CTTN: variants seen among roughly 807,000 people sequenced by gnomAD.
CTTN encodes src substrate cortactin.
A neutral mutation model predicts 84.0 loss-of-function variants in CTTN; 28 were observed. That is an observed-to-expected ratio of 0.33 (90% CI 0.25 to 0.46). The LOEUF is 0.46. Among genes scored for constraint, CTTN ranks in the 20% least tolerant of loss-of-function variants. The pLI is 1.00. For missense variants in CTTN, 641 were observed against 723.8 expected, an observed-to-expected ratio of 0.89 and a Z score of 1.31; for synonymous variants, 301 against 288.8, an observed-to-expected ratio of 1.04 and a Z score of -0.43.
chr11:70,415,992 C>T, intron 7 of CTTN: 1 of 414,614 alleles, frequency 2.4e-6, no homozygotes, highest in Non-Finnish European at 4.4e-6. Flanking sequence ...GCTTCTCCCC[C>T]TTGTAGCGGA....
intron 14 of CTTN, 101 bp downstream of exon 14, chr11:70,429,300 G>C (rs2058330557): frequency 7.3e-7 from 1 of 1,365,918 alleles, no homozygotes; most frequent in Admixed American, 2.2e-5. Flanking sequence ...CTCCTGGCCA[G>C]GTTTTCCTTG....
intron 9 of CTTN, chr11:70,420,067 G>A (rs185177976): frequency 1.1e-4 from 65 of 603,496 alleles, no homozygotes; most frequent in African/African-American, 6.3e-4. Context: ...CAGCCCCAGC[G>A]GCGTTGCTTA....
At chr11:70,430,573 C>G (rs971432834) in intron 14 of CTTN, among the ~76,000 whole-genome samples, 3 of 152,220 alleles carry the variant, frequency 2.0e-5, no homozygotes, top group African/African-American at 7.2e-5. Flanking sequence ...CTCCCCATCA[C>G]AGAACCCTTA....
rs1355499174 is a variant in CTTN at position 70,429,209 on chromosome 11, A to G, written c.1176+10A>G. Reference sequence around the variant, plus strand: ...CAGGAGGAAGCTGGAGGTGAGTGGCAAGGAGTGGGCCGCAGCGCACCCTCC... The same window carrying G: ...CAGGAGGAAGCTGGAGGTGAGTGGCGAGGAGTGGGCCGCAGCGCACCCTCC... On this transcript the variant is annotated intron_variant, in intron 14 of 17. Coordinates refer to ENST00000301843, the MANE Select transcript of CTTN (RefSeq NM_005231.4). The G allele has an allele frequency of 6.2e-7, 1 of 1,609,456 alleles. No homozygotes were observed. The highest frequency in any genetic ancestry group is 8.5e-7 in the Non-Finnish European group (1 of 1,178,322).
At position 70,409,824 on chromosome 11, in the gene CTTN, C is replaced by A. The variant is rs564492360; in HGVS notation, c.162-7C>A. 2 of 1,613,858 alleles carry A rather than the reference C, an allele frequency of 1.2e-6. No individual in the cohort carries two copies. The highest frequency in any genetic ancestry group is 4.5e-5 in the East Asian group (2 of 44,886). The stretch of plus-strand genomic sequence containing the variant: ...GATCTGTTCCTATTTTCATCTCTTC[C>A]ATCAAGCATACACAAGCTGAGGGAG... On this transcript the variant is annotated splice_region_variant and splice_polypyrimidine_tract_variant and intron_variant, in intron 4 of 17. Coordinates refer to ENST00000301843, the MANE Select transcript of CTTN (RefSeq NM_005231.4).
At chr11:70,429,265 C>A in intron 14 of CTTN, 66 bp downstream of exon 14, 1 of 1,543,360 alleles carries the variant, frequency 6.5e-7, no homozygotes. Context: ...ATTGGGAGCT[C>A]TGGGGCCTGG....
At position 70,435,345 on chromosome 11, in the gene CTTN, G is replaced by A; in HGVS notation, c.*183G>A. 1 of 1,321,174 alleles carries A rather than the reference G, an allele frequency of 7.6e-7. No individual in the cohort carries two copies. 81.8% of individuals were successfully genotyped at this position (1,321,174 alleles called of 1,614,324 possible). A position where few individuals can be genotyped will look rare whatever the true frequency, so the allele number is the denominator to read the frequency against. ...TACTTTTGCTGATGCTTTTGAAAATGTTTATGCCACAGAATTTGCTAATAT... is the reference window on the plus strand; with the variant it reads ...TACTTTTGCTGATGCTTTTGAAAATATTTATGCCACAGAATTTGCTAATAT... On this transcript the variant is annotated 3_prime_UTR_variant, in exon 18 of 18. Coordinates refer to ENST00000301843, the MANE Select transcript of CTTN (RefSeq NM_005231.4).
chr11:70,400,868 C>T (rs1014872333), intron 1 of CTTN, among the ~76,000 whole-genome samples: 1 of 152,200 alleles, frequency 6.6e-6, no homozygotes. Flanking sequence ...TTTGAGTAAA[C>T]GGAGTAAATG....
chr11:70,434,058 G>A (rs1170650976), intron 17 of CTTN, among the ~76,000 whole-genome samples: 2 of 152,192 alleles, frequency 1.3e-5, no homozygotes, highest in Non-Finnish European at 2.9e-5. Context: ...CCAGGTGAGG[G>A]GGCCGCACAG....
intron 15 of CTTN, among the ~76,000 whole-genome samples, chr11:70,432,129 T>A (rs1443588913): frequency 6.6e-6 from 1 of 152,178 alleles, no homozygotes; most frequent in Non-Finnish European, 1.5e-5. Flanking sequence ...ACCACCCGAC[T>A]GTCCCTCCTT....
rs2135565908 is a variant in CTTN at position 70,414,449 on chromosome 11, C to T, written c.292-93C>T. ...TAATGTAAGGTTTCCCTGCACTGAC[C>T]AGGATGTGGCCTCCCCCAGCCCTGC... On this transcript the variant is annotated intron_variant, in intron 5 of 17. Coordinates refer to ENST00000301843, the MANE Select transcript of CTTN (RefSeq NM_005231.4). 5.5e-6 allele frequency: 5 copies of T among 903,610 alleles called. No individual in the cohort carries two copies. The South Asian group carries it at 7.4e-5, about 13-fold the overall frequency. 56.0% of individuals were successfully genotyped at this position (903,610 alleles called of 1,614,324 possible).
At position 70,436,224 on chromosome 11, in the gene CTTN, G is replaced by T; in HGVS notation, c.*1062G>T. On this transcript the variant is annotated 3_prime_UTR_variant, in exon 18 of 18. Transcript: ENST00000301843. ...AGATGAGTGTGTGTTCTTCCCCAAGGTCCCCCCACAGCTCCAGGACACCGC... is the reference window on the plus strand; with the variant it reads ...AGATGAGTGTGTGTTCTTCCCCAAGTTCCCCCCACAGCTCCAGGACACCGC... 6.3e-7 allele frequency: 1 copy of T among 1,579,894 alleles called. No individual in the cohort carries two copies. The highest frequency in any genetic ancestry group is 8.6e-7 in the Non-Finnish European group (1 of 1,169,536).
rs2058327265 is a variant in CTTN at position 70,429,055 on chromosome 11, C to T, written c.1032C>T (p.Thr344=). Residue 344 remains threonine (T), a synonymous_variant, in exon 14 of 18, where the codon ACC becomes ACT. Transcript: ENST00000301843. ...YQKTVPVEAV[T]SKTSNIRANF... ...TCCTCCCTCCTTCCTCTATAGTGAC[C>T]AGCAAAACAAGTAACATCAGAGCTA... 1.9e-6 allele frequency: 3 copies of T among 1,614,034 alleles called. No individual in the cohort carries two copies. Among genetic ancestry groups the T allele is most frequent in the African/African-American group, 2.7e-5 (2 of 74,918 alleles).
chr11:70,413,036 G>A (rs1385904195), intron 5 of CTTN, among the ~76,000 whole-genome samples: 1 of 152,208 alleles, frequency 6.6e-6, no homozygotes, highest in African/African-American at 2.4e-5. Context: ...GGCAGTCTCT[G>A]CCACAGAGGG....
chr11:70,436,043 C>T lies in CTTN; in HGVS notation c.*881C>T. ...CTGGGGCGGTGTGTGTGCCATGTCACAGCATGGCCTCTCGGCCTTGGGAAG... is the reference window on the plus strand; with the variant it reads ...CTGGGGCGGTGTGTGTGCCATGTCATAGCATGGCCTCTCGGCCTTGGGAAG... On this transcript the variant is annotated 3_prime_UTR_variant, in exon 18 of 18. Coordinates refer to ENST00000301843, the MANE Select transcript of CTTN (RefSeq NM_005231.4). 2 of 1,424,626 alleles carry T rather than the reference C, an allele frequency of 1.4e-6. No individual in the cohort carries two copies. The highest frequency in any genetic ancestry group is 9.1e-7 in the Non-Finnish European group (1 of 1,095,256). The allele number at this position is 1,424,626 out of a possible 1,614,324, so 88.2% of individuals were successfully genotyped here.
Position 70,414,650 on chromosome 11 carries a change from C to G in CTTN, c.400C>G (p.Gln134Glu), listed in dbSNP as rs758013309. The G allele has an allele frequency of 2.5e-6, 4 of 1,611,480 alleles. No individual in the cohort carries two copies. Among genetic ancestry groups the G allele is most frequent in the East Asian group, 4.5e-5 (2 of 44,860 alleles). ...KFGVQMDRVD[Q>E]SAVGFEYQGK... ...TGGTGTCCAGATGGACAGAGTTGATCAGGTGAGTGATGTGGCACTGGGACT... is the reference window on the plus strand; with the variant it reads ...TGGTGTCCAGATGGACAGAGTTGATGAGGTGAGTGATGTGGCACTGGGACT... The change falls in exon 6 of 18, where the codon CAG becomes GAG. Residue 134 changes from glutamine to glutamate, a missense_variant and splice_region_variant. Gln to Glu is a conservative substitution (Grantham distance 29). Around this residue, in one of 3 missense-constraint regions of CTTN, gnomAD observed 284 missense variants for 348.4 expected, o/e 0.82. Transcript: ENST00000301843.
Position 70,421,515 on chromosome 11 carries a change from G to A in CTTN, c.836G>A (p.Arg279Lys), listed in dbSNP as rs1341621279. Residue 279 changes from arginine (R) to lysine (K), a missense_variant, in exon 11 of 18, where the codon AGG becomes AAG. Arg to Lys is a conservative substitution (Grantham distance 26). This residue lies in a region of CTTN where 289 missense variants were observed against 273.1 expected (regional missense o/e 1.06). Transcript: ENST00000301843. ...FGGKFGVQSE[R>K]QDSAAVGFDY... ...GGCAAATTCGGTGTTCAGTCGGAGAGGCAGGACTCCGCTGCTGTGGGGTTT... is the reference window on the plus strand; with the variant it reads ...GGCAAATTCGGTGTTCAGTCGGAGAAGCAGGACTCCGCTGCTGTGGGGTTT... 6.2e-7 allele frequency: 1 copy of A among 1,614,162 alleles called. No homozygotes were observed.
intron 4 of CTTN, chr11:70,408,170 T>A (rs2058063907): frequency 6.6e-6 from 1 of 152,376 alleles, no homozygotes; most frequent in Non-Finnish European, 1.5e-5. Flanking sequence ...AAGGAACTTT[T>A]AAAATATGCT....
intron 8 of CTTN, among the ~76,000 whole-genome samples, chr11:70,419,172 G>A (rs1266628399): frequency 2.0e-5 from 3 of 149,392 alleles, no homozygotes; most frequent in Non-Finnish European, 4.4e-5. Context: ...GTGCAGTGGC[G>A]CAATCTCGGC....
Sources: gnomAD v4.1 joint callset for allele counts (sites outside exome capture counted in the v4.1 genomes callset) on GRCh38, gnomAD v4.1.1 for gene constraint, gnomAD v4.1.1 regional missense constraint, MANE v1.5 for transcripts, NCBI Gene and HGNC (gene_info 2026-07-23, HGNC 2026-07-21) for gene names.